Variants in CDK11B observed in about 807,000 individuals in gnomAD.
The protein encoded by CDK11B is cyclin-dependent kinase 11B.
In CDK11B, 37 loss-of-function variants were observed where a neutral mutation model predicts 84.0. That is an observed-to-expected ratio of 0.44 (90% CI 0.34 to 0.58). CDK11B has a LOEUF of 0.58. Among genes scored for constraint, CDK11B ranks in the 20% least tolerant of loss-of-function variants. CDK11B has a pLI of 0.02. For synonymous variants in CDK11B, 269 were observed against 309.8 expected (o/e 0.87, Z 1.38); for missense variants, 427 against 834.0 (o/e 0.51, Z 6.01).
In CDK11B at chr1:1,650,268, C is replaced by CAAAAAAAAAAAAAAAAAAAAAAA. The variant is rs1212256890; in HGVS notation, c.356-632_356-631insTTTTTTTTTTTTTTTTTTTTTTT. On this transcript the variant is annotated intron_variant, in intron 4 of 19. Transcript: ENST00000341832. The stretch of plus-strand genomic sequence containing the variant: ...CTGGGTGACAAGCAAGACTCCGTCC[C>CAAAAAAAAAAAAAAAAAAAAAAA]AAAAAAAAAAAAAAAAGAAATTAAA... Among the ~76,000 whole-genome samples the CAAAAAAAAAAAAAAAAAAAAAAA allele has an allele frequency of 1.0e-3, 47 of 45,694 alleles. 2 individuals carry two copies. Among genetic ancestry groups the CAAAAAAAAAAAAAAAAAAAAAAA allele is most frequent in the Non-Finnish European group, 1.5e-3 (35 of 23,370 alleles). The allele number at this position is 45,694 out of a possible 152,430, so 30.0% of individuals were successfully genotyped here. A position where few individuals can be genotyped will look rare whatever the true frequency, so the allele number is the denominator to read the frequency against.
chr1:1,657,325 G>C (rs202069785), intron 2 of CDK11B, 50 bp downstream of exon 2: 5 of 1,613,058 alleles, frequency 3.1e-6, no homozygotes, highest in African/African-American at 1.3e-5. Flanking sequence ...TGAGGGCAAA[G>C]AAATTAAATC....
rs1490138549 is a variant in CDK11B, at chr1:1,652,468, C to T, written c.326G>A (p.Arg109His). Reference sequence around the variant, plus strand: ...TTCTGCTGAATGGCTACGATGCCTACGTTTCTCTTTTCTCTTTTCATCTTT... The same window carrying T: ...TTCTGCTGAATGGCTACGATGCCTATGTTTCTCTTTTCTCTTTTCATCTTT... ...HRKDEKRKEK[R>H]RHRSHSAEGG... is the part of the protein sequence containing the mutation. Residue 109 changes from arginine (R) to histidine (H), a missense_variant, in exon 4 of 20, where the codon CGT (arginine) becomes CAT (histidine). Coordinates refer to ENST00000341832, the MANE Select transcript of CDK11B (RefSeq NM_033486.3). The T allele has an allele frequency of 1.9e-5, 28 of 1,504,910 alleles. No individual in the cohort carries two copies. In the Middle Eastern group the frequency reaches 5.2e-4, roughly 28 times the overall value. 93.2% of individuals were successfully genotyped at this position (1,504,910 alleles called of 1,614,324 possible).
At chr1:1,639,727 C>T (rs1440576276) in intron 11 of CDK11B, among the ~76,000 whole-genome samples, 3 of 152,000 alleles carry the variant, frequency 2.0e-5, no homozygotes, top group Non-Finnish European at 2.9e-5. Flanking sequence ...AGGAGGGGGC[C>T]GAGTCCCTGC....
chr1:1,645,924 C>T (rs1431854973), intron 5 of CDK11B: 1 of 353,154 alleles, frequency 2.8e-6, no homozygotes, highest in African/African-American at 2.2e-5. Context: ...CTGCAACCTC[C>T]ATCTCACGAG....
In CDK11B at chr1:1,636,442, T is replaced by C. The variant is rs1639300424; in HGVS notation, c.1957A>G (p.Ser653Gly). The C allele has an allele frequency of 6.2e-7, 1 of 1,613,034 alleles. No homozygotes were observed. Among genetic ancestry groups the C allele is most frequent in the Admixed American group, 1.7e-5 (1 of 59,850 alleles). Residue 653 changes from serine to glycine, a missense_variant, in exon 18 of 20, where the codon AGC becomes GGC. Coordinates refer to ENST00000341832, the MANE Select transcript of CDK11B (RefSeq NM_033486.3). ...TPSEKIWPGY[S>G]ELPAVKKMTF... is the part of the protein sequence containing the mutation. ...ATCTTCTTGACTGCTGGGAGCTCGC[T>C]GTAGCCGGGCCAGATTTTCTCACTA...
chr1:1,656,224 C>A (rs779284248), intron 2 of CDK11B, among the ~76,000 whole-genome samples: 1 of 152,176 alleles, frequency 6.6e-6, no homozygotes, highest in Non-Finnish European at 1.5e-5. Flanking sequence ...TGGTGGCTCA[C>A]GCCTGTAATC....
chr1:1,653,652 T>C (rs561803638), intron 3 of CDK11B, among the ~76,000 whole-genome samples: 1 of 152,038 alleles, frequency 6.6e-6, no homozygotes, highest in Non-Finnish European at 1.5e-5. Flanking sequence ...GGGCAGCTCA[T>C]TTTATGTTAT....
At position 1,654,979 on chromosome 1, in the gene CDK11B, G is replaced by C. The variant is rs146407501; in HGVS notation, c.227+390C>G. Among the ~76,000 whole-genome samples the C allele has an allele frequency of 1.5e-3, 222 of 152,138 alleles. 2 individuals are homozygous for C. The highest frequency in any genetic ancestry group is 5.1e-3 in the African/African-American group (212 of 41,514). ...GGCCTTTTTTTCCTTTTAAGACGGG[G>C]TTTCACCATGTTGGCTAGACTGGTC... On this transcript the variant is annotated intron_variant, in intron 3 of 19. Coordinates refer to ENST00000341832, the MANE Select transcript of CDK11B (RefSeq NM_033486.3).
rs577826090 is a variant in CDK11B, at chr1:1,637,392, T to C, written c.1570+16A>G. 1,211 of 1,595,742 alleles carry C rather than the reference T, an allele frequency of 7.6e-4. 20 individuals carry two copies. In the East Asian group the frequency reaches 0.012, roughly 16 times the overall value. ...CCCCACTTGTACGCAGACAGGCCCC[T>C]GGGGCGCGGCTGTACCTGGCAGGAA... On this transcript the variant is annotated intron_variant, in intron 14 of 19. Coordinates refer to ENST00000341832, the MANE Select transcript of CDK11B (RefSeq NM_033486.3).
chr1:1,640,450 G>T lies in CDK11B; in HGVS notation c.1078C>A (p.Pro360Thr). The change falls in exon 11 of 20, where the codon CCA becomes ACA. Residue 360 changes from proline to threonine, a missense_variant and splice_region_variant. Transcript: ENST00000341832. ...GAATCTCGGTCGAACCGTGACTCTG[G>T]AACTGGAAAAGTTGAACCTAATTAC... Reference protein sequence around the residue: ...RENENHLLVVPESRFDRDSGE... With the variant: ...RENENHLLVVTESRFDRDSGE... 10 of 1,613,780 alleles carry T rather than the reference G, an allele frequency of 6.2e-6. No homozygotes were observed. Among genetic ancestry groups the T allele is most frequent in the Non-Finnish European group, 8.5e-6 (10 of 1,179,684 alleles).
At chr1:1,637,919 C>G (rs1639629920) in intron 12 of CDK11B, 36 bp from the exon 13 acceptor site, 1 of 1,612,324 alleles carries the variant, frequency 6.2e-7, no homozygotes, top group South Asian at 1.1e-5. Flanking sequence ...GAGAGGCATT[C>G]TCAAAGTCAC....
chr1:1,651,414 GCTCTCTGTAGC>G (rs1641982511), intron 4 of CDK11B, among the ~76,000 whole-genome samples: 1 of 147,980 alleles, frequency 6.8e-6, no homozygotes, highest in Non-Finnish European at 1.5e-5. Context: ...GCTGGAGTTT[GCTCTCTGTAGC>G]CCCTCTGAAC....
chr1:1,640,161 GC>G, intron 11 of CDK11B, 115 bp downstream of exon 11: 2 of 1,153,150 alleles, frequency 1.7e-6, no homozygotes, highest in Non-Finnish European at 2.4e-6. Context: ...GCCCCAGTGG[GC>G]CCAGCAGCCC....
At position 1,655,380 on chromosome 1, in the gene CDK11B, A is replaced by T. The variant is rs368251397; in HGVS notation, c.216T>A (p.Ser72=). The T allele has an allele frequency of 1.9e-5, 30 of 1,613,426 alleles. 1 individual carries two copies. The highest frequency in any genetic ancestry group is 1.1e-4 in the East Asian group (5 of 44,882). Residue 72 remains serine (S), a synonymous_variant, in exon 3 of 20, where the codon TCT becomes TCA. Transcript: ENST00000341832. ...IRNSPYRRED[S]MEDRGEEDDS... ...GTACATCCGCTCACCTGTCTTCCAT[A>T]GAGTCTTCTCTTCTATACGGGGAGT... is the stretch of plus-strand genomic sequence containing the variant.
intron 5 of CDK11B, among the ~76,000 whole-genome samples, chr1:1,647,793 C>T (rs1237894348): frequency 6.6e-6 from 1 of 152,238 alleles, no homozygotes; most frequent in Non-Finnish European, 1.5e-5. Context: ...TTCTTCCTCC[C>T]TCCACTGAGG....
chr1:1,637,834 G>A lies in CDK11B; in HGVS notation c.1392C>T (p.Gly464=). ...TCTCCCTCAGCGACGTGATCGGGAA[G>A]CCCTCCTTCTCCTTCTCCATCTTCA... ...KRLKMEKEKE[G]FPITSLREIN... Residue 464 remains glycine, a synonymous_variant, in exon 13 of 20, where the codon GGC becomes GGT. Transcript: ENST00000341832. 1 of 1,613,354 alleles carries A rather than the reference G, an allele frequency of 6.2e-7. No individual in the cohort carries two copies. Among genetic ancestry groups the A allele is most frequent in the Non-Finnish European group, 8.5e-7 (1 of 1,179,566 alleles).
Position 1,658,928 on chromosome 1 carries a change from C to T in CDK11B, c.-28G>A, listed in dbSNP as rs570512869. 68 of 193,324 alleles carry T rather than the reference C, an allele frequency of 3.5e-4. 1 individual carries two copies. The East Asian group carries it at 0.011, about 31-fold the overall frequency. The allele number at this position is 193,324 out of a possible 1,614,324, so 12.0% of individuals were successfully genotyped here. A position where few individuals can be genotyped will look rare whatever the true frequency, so the allele number is the denominator to read the frequency against. ...TCGGAACTCACCCCTACGCCGCCGCCGCTGCCGCCGCCGCCGCCGCCGGTC... is the reference window on the plus strand; with the variant it reads ...TCGGAACTCACCCCTACGCCGCCGCTGCTGCCGCCGCCGCCGCCGCCGGTC... On this transcript the variant is annotated 5_prime_UTR_variant, in exon 1 of 20. Coordinates refer to ENST00000341832, the MANE Select transcript of CDK11B (RefSeq NM_033486.3).
Position 1,649,486 on chromosome 1 carries a change from C to A in CDK11B, c.494+13G>T. On this transcript the variant is annotated intron_variant, in intron 5 of 19. Transcript: ENST00000341832. ...CCCTTTTATAAAGTCCTCAACTGAC[C>A]CAGCCGACTCACCTTTCTCTCCTGG... 6.4e-7 allele frequency: 1 copy of A among 1,555,710 alleles called. No homozygotes were observed. The highest frequency in any genetic ancestry group is 8.9e-7 in the Non-Finnish European group (1 of 1,127,656).
intron 2 of CDK11B, among the ~76,000 whole-genome samples, chr1:1,656,825 T>C (rs1642818647): frequency 6.6e-6 from 1 of 152,124 alleles, no homozygotes. Flanking sequence ...AACCTTTAAT[T>C]TGGAAAAATT....
Sources: gnomAD v4.1 joint callset for allele counts (sites outside exome capture counted in the v4.1 genomes callset) on GRCh38, gnomAD v4.1.1 for gene constraint, MANE v1.5 for transcripts, NCBI Gene and HGNC (gene_info 2026-07-23, HGNC 2026-07-21) for gene names.